PSMG2: variants seen among roughly 807,000 people sequenced by gnomAD.
PSMG2 encodes the protein CD40 ligand-activated specific transcript 3.
In PSMG2, 21 loss-of-function variants were observed where a neutral mutation model predicts 31.5. The ratio of observed to expected loss-of-function variants is 0.67; its 90% CI spans 0.47 to 0.96. PSMG2 has a LOEUF of 0.96. Ranked by LOEUF, PSMG2 falls within the 40% of genes least tolerant of loss-of-function variation. The pLI is 0.00. For missense variants in PSMG2, 318 were observed against 321.2 expected (o/e 0.99, Z 0.08); for synonymous variants, 120 against 110.4 (o/e 1.09, Z -0.54).
intron 1 of PSMG2, chr18:12,672,726 G>A (rs1369252331): frequency 1.2e-5 from 12 of 969,110 alleles, no homozygotes; most frequent in Non-Finnish European, 1.5e-5. Context: ...AAATCACAGT[G>A]ATAAATATTT....
At chr18:12,723,037 C>A (rs989775212) in intron 5 of PSMG2, among the ~76,000 whole-genome samples, 3 of 152,166 alleles carry the variant, frequency 2.0e-5, no homozygotes, top group African/African-American at 7.2e-5. Context: ...AAGTACTGGG[C>A]TAGGGTGAGT....
chr18:12,713,452 A>G (rs2040349457), intron 3 of PSMG2, among the ~76,000 whole-genome samples: 1 of 152,156 alleles, frequency 6.6e-6, no homozygotes, highest in Non-Finnish European at 1.5e-5. Context: ...TTTTATTAGA[A>G]AAGGTTCAGA....
At chr18:12,723,466 C>T (rs1018942706) in intron 5 of PSMG2, among the ~76,000 whole-genome samples, 2 of 151,928 alleles carry the variant, frequency 1.3e-5, no homozygotes, top group African/African-American at 4.8e-5. Flanking sequence ...ATCTTTTTTT[C>T]TTCATTTGCG....
intron 1 of PSMG2, chr18:12,670,524 T>G (rs557336319): frequency 6.6e-6 from 1 of 152,264 alleles, no homozygotes; most frequent in South Asian, 2.1e-4. Flanking sequence ...TCAGCCTCAA[T>G]GTTAATACAG....
chr18:12,704,352 G>A (rs1319437221), intron 1 of PSMG2, among the ~76,000 whole-genome samples: 1 of 152,120 alleles, frequency 6.6e-6, no homozygotes. Flanking sequence ...TTAGAAGGCC[G>A]AGTACAGGAG....
At chr18:12,717,658 C>T (rs575879579) in intron 3 of PSMG2, among the ~76,000 whole-genome samples, 25 of 152,356 alleles carry the variant, frequency 1.6e-4, no homozygotes, top group African/African-American at 5.5e-4. Context: ...AAGTATCCTT[C>T]AATTCTGGAT....
intron 1 of PSMG2, among the ~76,000 whole-genome samples, chr18:12,666,199 ACACCTATATTCC>A (rs2038800162): frequency 6.6e-6 from 1 of 151,920 alleles, no homozygotes; most frequent in African/African-American, 2.4e-5. Context: ...ATGGTGGCAT[ACACCTATATTCC>A]CAGCTACTTA....
At chr18:12,688,071 A>G (rs183316038) in intron 1 of PSMG2, among the ~76,000 whole-genome samples, 2 of 151,830 alleles carry the variant, frequency 1.3e-5, no homozygotes, top group Admixed American at 1.3e-4. Flanking sequence ...GTGAAACCCC[A>G]TCTCCACTAA....
intron 1 of PSMG2, among the ~76,000 whole-genome samples, chr18:12,683,008 A>G (rs1390161331): frequency 6.6e-6 from 1 of 152,004 alleles, no homozygotes; most frequent in Non-Finnish European, 1.5e-5. Context: ...AAAGATAGTC[A>G]GTGTGAAAGT....
At chr18:12,675,264 C>T (rs1430137409) in intron 1 of PSMG2, among the ~76,000 whole-genome samples, 3 of 151,992 alleles carry the variant, frequency 2.0e-5, no homozygotes, top group Middle Eastern at 3.4e-3. Flanking sequence ...GGCGTGGTGG[C>T]GGGTGCATGT....
chr18:12,703,740 G>T (rs908889904), intron 1 of PSMG2, among the ~76,000 whole-genome samples: 1 of 152,204 alleles, frequency 6.6e-6, no homozygotes, highest in South Asian at 2.1e-4. Context: ...GCTTGAAAGG[G>T]TATAGAAAGG....
chr18:12,694,323 G>A (rs1373766364), intron 1 of PSMG2, among the ~76,000 whole-genome samples: 1 of 152,184 alleles, frequency 6.6e-6, no homozygotes, highest in Non-Finnish European at 1.5e-5. Flanking sequence ...TGACAGGCAG[G>A]GTGGAGTAAA....
intron 1 of PSMG2, chr18:12,662,275 C>A: frequency 2.5e-6 from 1 of 393,294 alleles, no homozygotes; most frequent in South Asian, 1.9e-5. Context: ...ATCTGTAGTG[C>A]TATTTATACT....
intron 1 of PSMG2, among the ~76,000 whole-genome samples, chr18:12,673,860 G>A (rs993160878): frequency 6.6e-6 from 1 of 152,058 alleles, no homozygotes; most frequent in Non-Finnish European, 1.5e-5. Context: ...CAGCCTGGGC[G>A]ACAGACTGAG....
intron 3 of PSMG2, among the ~76,000 whole-genome samples, chr18:12,714,378 A>G (rs2040357958): frequency 1.3e-5 from 2 of 151,984 alleles, no homozygotes; most frequent in South Asian, 4.1e-4. Flanking sequence ...TCTTTCCACT[A>G]GCTTCTCTGC....
upstream of PSMG2, chr18:12,699,682 C>T (rs1237364272): frequency 9.5e-6 from 5 of 527,942 alleles, no homozygotes; most frequent in Non-Finnish European, 1.7e-5. Context: ...ATACTTCATG[C>T]AAAACAATCT....
intron 1 of PSMG2, among the ~76,000 whole-genome samples, chr18:12,662,332 T>C (rs763121222): frequency 6.6e-6 from 1 of 152,252 alleles, no homozygotes; most frequent in Non-Finnish European, 1.5e-5. Flanking sequence ...TCAGATATTA[T>C]TATTCCTATC....
chr18:12,707,864 A>G (rs1479914659), intron 2 of PSMG2, among the ~76,000 whole-genome samples: 1 of 152,214 alleles, frequency 6.6e-6, no homozygotes, highest in African/African-American at 2.4e-5. Context: ...TTAGCTTGCG[A>G]TAGTGAAATG....
At chr18:12,718,760 G>C (rs527272173) in intron 4 of PSMG2, 125 bp downstream of exon 4, 11 of 607,920 alleles carry the variant, frequency 1.8e-5, no homozygotes, top group Admixed American at 6.1e-5. Context: ...TTAGAAAGAG[G>C]GGGGTAAGAG....
Sources: gnomAD v4.1 joint callset for allele counts (sites outside exome capture counted in the v4.1 genomes callset) on GRCh38, gnomAD v4.1.1 for gene constraint, MANE v1.5 for transcripts, NCBI Gene and HGNC (gene_info 2026-07-23, HGNC 2026-07-21) for gene names.